The following COL23A1 variants were observed in gnomAD, a reference collection of about 807,000 sequenced individuals.
COL23A1 encodes collagen alpha-1(XXIII) chain.
In COL23A1, 97 loss-of-function variants were observed where a neutral mutation model predicts 99.3. The ratio of observed to expected loss-of-function variants is 0.98; its 90% CI spans 0.83 to 1.16. The LOEUF is 1.16. Ranked by LOEUF, COL23A1 falls within the 50% of genes most tolerant of loss-of-function variation. The pLI, the probability that COL23A1 is intolerant of heterozygous loss-of-function variation, is 0.00. For missense variants in COL23A1, 762 were observed against 757.4 expected (o/e 1.01, Z -0.07); for synonymous variants, 320 against 308.2 (o/e 1.04, Z -0.40).
chr5:178,503,075 T>C (rs1240150444), intron 2 of COL23A1, among the ~76,000 whole-genome samples: 3 of 152,198 alleles, frequency 2.0e-5, no homozygotes, highest in Non-Finnish European at 2.9e-5. Context: ...GGAGGAAAGA[T>C]AAATTCTTTA....
intron 19 of COL23A1, 146 bp from the exon 20 acceptor site, chr5:178,248,400 T>C (rs919194679): frequency 3.5e-5 from 21 of 596,352 alleles, no homozygotes; most frequent in Non-Finnish European, 6.0e-5. Context: ...TTTCCCTACA[T>C]CCATGTGCCA....
At chr5:178,473,461 ATTTT>A (rs58255875) in intron 2 of COL23A1, among the ~76,000 whole-genome samples, 14 of 95,054 alleles carry the variant, frequency 1.5e-4, no homozygotes, top group African/African-American at 4.8e-4. Flanking sequence ...CATCCGGCTA[ATTTT>A]TTTTTTTTTT....
chr5:178,269,695 A>G (rs1225109705), intron 6 of COL23A1, among the ~76,000 whole-genome samples: 1 of 144,928 alleles, frequency 6.9e-6, no homozygotes, highest in Non-Finnish European at 1.5e-5. Flanking sequence ...CCATCCATCC[A>G]CCCATTCCCC....
intron 25 of COL23A1, among the ~76,000 whole-genome samples, chr5:178,243,503 AAAG>A (rs1764519938): frequency 1.3e-5 from 2 of 151,944 alleles, no homozygotes; most frequent in Admixed American, 1.3e-4. Context: ...AAAAAAAAAA[AAAG>A]AAACAATTTT....
At chr5:178,290,746 G>A (rs1487201213) in intron 3 of COL23A1, among the ~76,000 whole-genome samples, 1 of 151,438 alleles carries the variant, frequency 6.6e-6, no homozygotes, top group Non-Finnish European at 1.5e-5. Context: ...CAGACTGGGG[G>A]AGCAAACATT....
chr5:178,328,122 C>A (rs1199776279), intron 2 of COL23A1, among the ~76,000 whole-genome samples: 1 of 152,130 alleles, frequency 6.6e-6, no homozygotes, highest in Non-Finnish European at 1.5e-5. Flanking sequence ...TGCCTGGGTG[C>A]GGAGGGCAGG....
At chr5:178,578,803 C>A (rs1193270706) in intron 1 of COL23A1, among the ~76,000 whole-genome samples, 1 of 150,614 alleles carries the variant, frequency 6.6e-6, no homozygotes, top group African/African-American at 2.5e-5. Context: ...TGCCGCCATA[C>A]CGCATGATTA....
At chr5:178,469,187 T>C (rs1756603474) in intron 2 of COL23A1, among the ~76,000 whole-genome samples, 1 of 152,232 alleles carries the variant, frequency 6.6e-6, no homozygotes, top group Non-Finnish European at 1.5e-5. Context: ...TTGGCTACTG[T>C]GAACAATGCT....
At chr5:178,378,667 G>C (rs1382019992) in intron 2 of COL23A1, among the ~76,000 whole-genome samples, 2 of 152,220 alleles carry the variant, frequency 1.3e-5, no homozygotes, top group Non-Finnish European at 2.9e-5. Context: ...GCAGTTTGCA[G>C]GATACGCAGG....
intron 8 of COL23A1, chr5:178,265,570 G>T: frequency 1.7e-6 from 1 of 594,658 alleles, no homozygotes; most frequent in Non-Finnish European, 2.1e-6. Flanking sequence ...GGATTGGATG[G>T]CTGAGGTCTA....
At position 178,422,551 on chromosome 5, in the gene COL23A1, C is replaced by G. The variant is rs968468500; in HGVS notation, c.362-115632G>C. Among the ~76,000 whole-genome samples the G allele has an allele frequency of 7.9e-5, 12 of 152,258 alleles. 2 individuals are homozygous for G. Among genetic ancestry groups the G allele is most frequent in the Non-Finnish European group, 1.5e-5 (1 of 68,026 alleles). ...CCCATTCAGAGGCACATCATCCCCC[C>G]GCTGTCTGCACGTCCCTGAGCCACA... On this transcript the variant is annotated intron_variant, in intron 2 of 28. Transcript: ENST00000390654.
intron 1 of COL23A1, among the ~76,000 whole-genome samples, chr5:178,581,870 G>T (rs988262717): frequency 1.6e-4 from 24 of 152,218 alleles, no homozygotes; most frequent in Admixed American, 9.2e-4. Flanking sequence ...TAAAAGCAAG[G>T]TAAAAATGGT....
At chr5:178,257,003 C>T (rs555983877) in intron 13 of COL23A1, 75 bp from the exon 14 acceptor site, 46 of 1,427,364 alleles carry the variant, frequency 3.2e-5, no homozygotes, top group South Asian at 4.8e-5. Flanking sequence ...GGGCGTGCCT[C>T]GGGGTTGCCT....
chr5:178,572,072 CA>C lies in COL23A1; in HGVS notation c.295-11325del, dbSNP rs57863132. Among the ~76,000 whole-genome samples, 372 of 109,140 alleles carry C rather than the reference CA, an allele frequency of 3.4e-3. 4 individuals carry two copies. Among genetic ancestry groups the C allele is most frequent in the Middle Eastern group, 5.3e-3 (1 of 190 alleles). The allele number at this position is 109,140 out of a possible 152,430, so 71.6% of individuals were successfully genotyped here. ...GACAGAGCGAGACTCTTTCTCAAAA[CA>C]AAAAAAAAAAAGACCTAAACTGAAA... On this transcript the variant is annotated intron_variant, in intron 1 of 28. Transcript: ENST00000390654.
intron 2 of COL23A1, among the ~76,000 whole-genome samples, chr5:178,359,732 G>A (rs1236446024): frequency 1.3e-5 from 2 of 152,252 alleles, no homozygotes; most frequent in Non-Finnish European, 2.9e-5. Flanking sequence ...CTCAGATCTT[G>A]TGTGCAAAGC....
chr5:178,269,315 CCAT>C (rs1756090363), intron 6 of COL23A1, among the ~76,000 whole-genome samples: 1 of 150,846 alleles, frequency 6.6e-6, no homozygotes, highest in Non-Finnish European at 1.5e-5. Context: ...ATCCATCCAT[CCAT>C]CCATCCATCC....
At chr5:178,527,836 C>T (rs909639013) in intron 2 of COL23A1, among the ~76,000 whole-genome samples, 3 of 152,202 alleles carry the variant, frequency 2.0e-5, no homozygotes, top group South Asian at 2.1e-4. Flanking sequence ...GCAAATGCAG[C>T]GTCTTGTTCC....
chr5:178,371,527 A>G (rs896881330), intron 2 of COL23A1, among the ~76,000 whole-genome samples: 2 of 152,162 alleles, frequency 1.3e-5, no homozygotes, highest in African/African-American at 4.8e-5. Flanking sequence ...TGACCTTGGT[A>G]TCAGCCCTGA....
intron 2 of COL23A1, among the ~76,000 whole-genome samples, chr5:178,349,145 T>C (rs1761158443): frequency 6.6e-6 from 1 of 152,108 alleles, no homozygotes; most frequent in Non-Finnish European, 1.5e-5. Flanking sequence ...GAGAAAAACA[T>C]TGTTACCAGC....
Sources: allele counts gnomAD v4.1 joint callset (sites outside exome capture counted in the v4.1 genomes callset), GRCh38; gene constraint gnomAD v4.1.1; transcripts MANE v1.5; gene names NCBI Gene and HGNC (gene_info 2026-07-23, HGNC 2026-07-21).